FGD3: variants seen among roughly 807,000 people sequenced by gnomAD.
The protein encoded by FGD3 is FYVE, RhoGEF and PH domain containing 3.
Under a neutral mutation model 71.8 loss-of-function variants are expected in FGD3, and 45 were observed. That is an observed-to-expected ratio of 0.63 (90% CI 0.49 to 0.80). The LOEUF (loss-of-function observed/expected upper bound fraction) is 0.80. Among genes scored for constraint, FGD3 ranks in the 30% least tolerant of loss-of-function variants. FGD3 has a pLI of 0.00. For synonymous variants in FGD3, 378 were observed against 392.8 expected, an observed-to-expected ratio of 0.96 and a Z score of 0.44; for missense variants, 844 against 951.5, an observed-to-expected ratio of 0.89 and a Z score of 1.49.
At position 93,003,954 on chromosome 9, in the gene FGD3, T is replaced by C; in HGVS notation, c.544-47T>C. The C allele has an allele frequency of 6.2e-7, 1 of 1,609,436 alleles. No individual in the cohort carries two copies. Among genetic ancestry groups the C allele is most frequent in the Non-Finnish European group, 8.5e-7 (1 of 1,177,118 alleles). On this transcript the variant is annotated intron_variant, in intron 4 of 17. Transcript: ENST00000375482. The surrounding 1 kb of genome is among the most constrained non-coding windows in gnomAD (Gnocchi z 4.1). ...GGCCGAAGCGGGGCGGCAACTGTGCTCAGTGGAAGAGGCTCACTGGCCACA... is the reference window on the plus strand; with the variant it reads ...GGCCGAAGCGGGGCGGCAACTGTGCCCAGTGGAAGAGGCTCACTGGCCACA...
intron 3 of FGD3, among the ~76,000 whole-genome samples, chr9:92,995,554 G>C (rs746522109): frequency 3.3e-5 from 5 of 152,208 alleles, no homozygotes; most frequent in Admixed American, 6.5e-5. Flanking sequence ...TTTTATGCCA[G>C]TTTTCAAAGG....
Position 93,035,427 on chromosome 9 carries a change from G to A in FGD3, c.2016G>A (p.Trp672Ter). 2 of 1,612,496 alleles carry A rather than the reference G, an allele frequency of 1.2e-6. No individual in the cohort carries two copies. Among genetic ancestry groups the A allele is most frequent in the Non-Finnish European group, 1.7e-6 (2 of 1,179,546 alleles). Residue 672 changes from tryptophan (W) to a stop codon, truncating the protein, a stop_gained, in exon 18 of 18, where the codon TGG (tryptophan) becomes TGA (stop). Transcript: ENST00000375482. LOFTEE classifies it low-confidence loss of function (END_TRUNC). ...AGAGGCTGGACTCGGGGCATGTGTG[G>A]AAGCTGCAGTGGGCCAAGCAGTCCT... ...PEERLDSGHV[W>*]KLQWAKQSWY...
intron 15 of FGD3, 72 bp from the exon 16 acceptor site, chr9:93,032,697 C>A: frequency 7.0e-7 from 1 of 1,432,094 alleles, no homozygotes; most frequent in African/African-American, 1.4e-5. Flanking sequence ...GCCCACTCTA[C>A]CTCCTCTGGC....
In FGD3 at chr9:93,028,995, G is replaced by GTTTTTTTTTTTTTTT. The variant is rs869235976; in HGVS notation, c.1558-851_1558-837dup. ...CATGGCTTCCTCACATGTCCTCACA[G>GTTTTTTTTTTTTTTT]TTTTTTTTTTTTTTTTTTTTTTTTT... On this transcript the variant is annotated intron_variant, in intron 14 of 17. Transcript: ENST00000375482. Among the ~76,000 whole-genome samples, 5 of 51,754 alleles carry GTTTTTTTTTTTTTTT rather than the reference G, an allele frequency of 9.7e-5. 2 individuals are homozygous for GTTTTTTTTTTTTTTT. The highest frequency in any genetic ancestry group is 1.8e-4 in the Non-Finnish European group (5 of 27,378). 34.0% of individuals were successfully genotyped at this position (51,754 alleles called of 152,430 possible). A position where few individuals can be genotyped will look rare whatever the true frequency, so the allele number is the denominator to read the frequency against.
At chr9:92,976,809 A>T in intron 3 of FGD3, 100 bp downstream of exon 3, 1 of 1,277,362 alleles carries the variant, frequency 7.8e-7, no homozygotes, top group Non-Finnish European at 1.1e-6. Context: ...TGTTTCCAGG[A>T]ATGTGGCACA....
intron 11 of FGD3, among the ~76,000 whole-genome samples, chr9:93,019,334 G>T (rs1488983861): frequency 2.6e-5 from 4 of 152,134 alleles, no homozygotes; most frequent in Non-Finnish European, 4.4e-5. Flanking sequence ...TCCCACTGAC[G>T]AGGACCTGCG....
intron 1 of FGD3, among the ~76,000 whole-genome samples, chr9:92,959,143 T>C (rs1317483972): frequency 1.3e-5 from 2 of 152,230 alleles, no homozygotes; most frequent in Admixed American, 1.3e-4. Flanking sequence ...GTATTTTTAG[T>C]GGAGACGGGG....
Position 92,982,928 on chromosome 9 carries a change from A to T in FGD3, c.453+6219A>T, listed in dbSNP as rs547097081. On this transcript the variant is annotated intron_variant, in intron 3 of 17. Transcript: ENST00000375482. ...TGGCCAAACCCTGTCTCTACTAAAA[A>T]TACAAAAATTAGCTGGGCATGGTGG... is the stretch of plus-strand genomic sequence containing the variant. 3.9e-5 allele frequency among the ~76,000 whole-genome samples: 6 copies of T among 152,230 alleles called. No individual in the cohort carries two copies. In the East Asian group the frequency reaches 1.2e-3, roughly 29 times the overall value.
rs1862527706 is a variant in FGD3 at position 93,034,810 on chromosome 9, T to C, written c.1926+129T>C. 2.7e-6 allele frequency: 3 copies of C among 1,093,312 alleles called. 1 individual carries two copies. The African/African-American group carries it at 4.8e-5, about 17-fold the overall frequency. The allele number at this position is 1,093,312 out of a possible 1,614,324, so 67.7% of individuals were successfully genotyped here. A position where few individuals can be genotyped will look rare whatever the true frequency, so the allele number is the denominator to read the frequency against. On this transcript the variant is annotated intron_variant, in intron 17 of 17. Transcript: ENST00000375482. The stretch of plus-strand genomic sequence containing the variant: ...AGCAGTGTTACCTGGGGCCTCAGTT[T>C]CCCCGGCAGCGCAGGATTCCCTCTG...
chr9:93,003,109 C>A lies in FGD3; in HGVS notation c.543+95C>A, dbSNP rs900431511. The A allele has an allele frequency of 7.7e-6, 9 of 1,170,284 alleles. No homozygotes were observed. Among genetic ancestry groups the A allele is most frequent in the South Asian group, 1.3e-5 (1 of 75,236 alleles). The allele number at this position is 1,170,284 out of a possible 1,614,324, so 72.5% of individuals were successfully genotyped here. On this transcript the variant is annotated intron_variant, in intron 4 of 17. Coordinates refer to ENST00000375482, the MANE Select transcript of FGD3 (RefSeq NM_001083536.2). The surrounding 1 kb of genome is among the most constrained non-coding windows in gnomAD (Gnocchi z 4.1). ...AATGACTTAAATACTAAAACTCAGA[C>A]AAATTTAAGTCTGGTCTACAAACTT...
In FGD3 at chr9:92,976,523, C is replaced by T. The variant is rs758802229; in HGVS notation, c.267C>T (p.Asn89=). Residue 89 remains asparagine (N), a synonymous_variant, in exon 3 of 18, where the codon AAC becomes AAT. Coordinates refer to ENST00000375482, the MANE Select transcript of FGD3 (RefSeq NM_001083536.2). ...DSPSSSVAGE[N]FPCEEGLEAG... The stretch of plus-strand genomic sequence containing the variant: ...CCTCCTCCAGTGTGGCTGGAGAGAA[C>T]TTTCCCTGCGAGGAGGGCTTGGAGG... 9 of 1,612,510 alleles carry T rather than the reference C, an allele frequency of 5.6e-6. No individual in the cohort carries two copies. The highest frequency in any genetic ancestry group is 7.6e-6 in the Non-Finnish European group (9 of 1,179,790).
At chr9:92,972,203 C>G (rs1266615110) in intron 1 of FGD3, among the ~76,000 whole-genome samples, 1 of 151,776 alleles carries the variant, frequency 6.6e-6, no homozygotes, top group African/African-American at 2.4e-5. Flanking sequence ...AATCCCAGCA[C>G]TTTGGGAGGC....
In FGD3 at chr9:93,015,717, C is replaced by T. The variant is rs1185388033; in HGVS notation, c.1183-20C>T. 1.2e-6 allele frequency: 2 copies of T among 1,611,428 alleles called. No homozygotes were observed. The highest frequency in any genetic ancestry group is 1.3e-5 in the African/African-American group (1 of 74,862). On this transcript the variant is annotated intron_variant, in intron 9 of 17. Transcript: ENST00000375482. The stretch of plus-strand genomic sequence containing the variant: ...CCTGCGGGCAGCTCTCGTTCCTCAC[C>T]TGTGCCATCCCTCTTGCAGTTCAAC...
intron 1 of FGD3, among the ~76,000 whole-genome samples, chr9:92,973,825 C>T (rs978346233): frequency 3.3e-5 from 5 of 152,016 alleles, no homozygotes; most frequent in Non-Finnish European, 5.9e-5. Flanking sequence ...TCTCTGGGTT[C>T]TCTCTCTCTC....
At chr9:93,022,945 C>A (rs1259020247) in intron 14 of FGD3, among the ~76,000 whole-genome samples, 1 of 152,142 alleles carries the variant, frequency 6.6e-6, no homozygotes, top group East Asian at 1.9e-4. Flanking sequence ...ACTGTGTCCA[C>A]GCGCCCGCCT....
intron 16 of FGD3, chr9:93,033,591 G>T: frequency 6.4e-6 from 1 of 157,148 alleles, no homozygotes; most frequent in Non-Finnish European, 1.4e-5. Flanking sequence ...CCTTCCTCAA[G>T]AATACAGTCT....
At chr9:92,950,660 A>G (rs1858937381) in intron 1 of FGD3, among the ~76,000 whole-genome samples, 1 of 152,172 alleles carries the variant, frequency 6.6e-6, no homozygotes, top group Non-Finnish European at 1.5e-5. Flanking sequence ...GGGTTCATTC[A>G]AGGCTGGCAA....
chr9:92,978,468 G>A (rs1318104061), intron 3 of FGD3, among the ~76,000 whole-genome samples: 3 of 131,320 alleles, frequency 2.3e-5, no homozygotes, highest in African/African-American at 8.8e-5. Context: ...GATTGGACAA[G>A]AGACTGATTA....
At chr9:92,994,877 C>G (rs1860568683) in intron 3 of FGD3, among the ~76,000 whole-genome samples, 1 of 152,132 alleles carries the variant, frequency 6.6e-6, no homozygotes, top group Admixed American at 6.6e-5. Flanking sequence ...GTTACTGTAG[C>G]CTTGTAATAT....
Sources: gnomAD v4.1 joint callset for allele counts (sites outside exome capture counted in the v4.1 genomes callset) on GRCh38, gnomAD v4.1.1 for gene constraint, Gnocchi (gnomAD v3.1) non-coding constraint, MANE v1.5 for transcripts, NCBI Gene and HGNC (gene_info 2026-07-23, HGNC 2026-07-21) for gene names.